The following PUDP variants were observed in gnomAD, a reference collection of about 807,000 sequenced individuals.
PUDP encodes pseudouridine 5'-phosphatase, also known as pseudouridine-5'-phosphatase.
PUDP carries 8 observed loss-of-function variants against 9.4 expected under a neutral mutation model. The observed-to-expected ratio is 0.85, with a 90% CI of 0.50 to 1.53. The LOEUF is 1.53. Ranked by LOEUF, PUDP falls within the 40% of genes most tolerant of loss-of-function variation. The probability of loss-of-function intolerance (pLI) is 0.00; values close to 1 mark genes in which losing one functional copy is unlikely to be tolerated. For synonymous variants in PUDP, 99 were observed against 80.7 expected (o/e 1.23, Z -1.22); for missense variants, 188 against 189.7 (o/e 0.99, Z 0.05).
intron 3 of PUDP, among the ~76,000 whole-genome samples, chrX:7,067,774 T>C (rs1022231328): frequency 5.4e-5 from 6 of 110,781 alleles, no homozygotes; most frequent in Non-Finnish European, 9.5e-5. Flanking sequence ...CCTACCCAAA[T>C]CTCATCTTGA....
upstream of PUDP, among the ~76,000 whole-genome samples, chrX:6,722,458 T>C (rs1226789581): frequency 9.1e-6 from 1 of 109,324 alleles, no homozygotes; most frequent in Non-Finnish European, 1.9e-5. Context: ...AAAAAAAATC[T>C]AAATTTAAAA....
chrX:6,751,143 A>G lies in PUDP; in HGVS notation c.*248-44677T>C, dbSNP rs1024934605. On this transcript the variant is annotated intron_variant and NMD_transcript_variant, in intron 3 of 3. Transcript: ENST00000655425. ...GGTGACAGAGTGAGAATCCGTCTAA[A>G]AAAAAGGAAAGAAAGAAAAAAGAAA... Among the ~76,000 whole-genome samples, 4 of 110,337 alleles carry G rather than the reference A, an allele frequency of 3.6e-5. No homozygotes were observed. In the Admixed American group the frequency reaches 3.9e-4, roughly 11 times the overall value.
intron 1 of PUDP, 67 bp from the exon 2 acceptor site, chrX:7,105,905 G>A (rs1054404593): frequency 1.5e-5 from 11 of 733,017 alleles, no homozygotes; most frequent in Admixed American, 9.5e-5. Context: ...TATCAGGTCC[G>A]CATAAACATA....
At chrX:6,815,891 C>A (rs1396806761) in intron 3 of PUDP, among the ~76,000 whole-genome samples, 1 of 108,926 alleles carries the variant, frequency 9.2e-6, no homozygotes, top group Non-Finnish European at 1.9e-5. Context: ...ATCAACAGAG[C>A]AAATCTAAAC....
chrX:6,913,763 C>A (rs1364717661), intron 3 of PUDP, among the ~76,000 whole-genome samples: 1 of 111,538 alleles, frequency 9.0e-6, no homozygotes, highest in Non-Finnish European at 1.9e-5. Flanking sequence ...AAGCAATGGG[C>A]ACCCCTTCTT....
rs1041825575 is a variant in PUDP, at chrX:7,049,507, A to G, written c.*789T>C. 5.3e-5 allele frequency: 6 copies of G among 112,653 alleles called. No individual in the cohort carries two copies. Among genetic ancestry groups the G allele is most frequent in the African/African-American group, 1.6e-4 (5 of 30,901 alleles). 9.3% of individuals were successfully genotyped at this position (112,653 alleles called of 1,213,427 possible). A position where few individuals can be genotyped will look rare whatever the true frequency, so the allele number is the denominator to read the frequency against. Reference sequence around the variant, plus strand: ...CAATGCAGGTAAGGATGTAGATACCAGGTAAATGTTACAGTTGTGTTCATA... The same window carrying G: ...CAATGCAGGTAAGGATGTAGATACCGGGTAAATGTTACAGTTGTGTTCATA... On this transcript the variant is annotated 3_prime_UTR_variant, in exon 4 of 4. Transcript: ENST00000381077.
intron 3 of PUDP, among the ~76,000 whole-genome samples, chrX:6,873,753 A>G (rs1569114729): frequency 8.9e-6 from 1 of 112,074 alleles, no homozygotes; most frequent in East Asian, 2.8e-4. Flanking sequence ...AATCAGATGG[A>G]TGGAGCAACC....
At chrX:6,996,128 A>G (rs1028020083) in intron 1 of PUDP, among the ~76,000 whole-genome samples, 1 of 111,555 alleles carries the variant, frequency 9.0e-6, no homozygotes, top group Non-Finnish European at 1.9e-5. Flanking sequence ...TTGGGATATA[A>G]AACATTTTCC....
intron 2 of PUDP, among the ~76,000 whole-genome samples, chrX:7,090,826 C>T (rs1931401004): frequency 9.0e-6 from 1 of 111,490 alleles, no homozygotes; most frequent in South Asian, 3.8e-4. Context: ...CCGACTTCAC[C>T]CCAACCAGGC....
intron 1 of PUDP, among the ~76,000 whole-genome samples, chrX:7,001,687 A>G (rs1236885332): frequency 9.0e-6 from 1 of 111,516 alleles, no homozygotes; most frequent in Non-Finnish European, 1.9e-5. Context: ...ATTTTCATGT[A>G]TAACGGAAAG....
intron 1 of PUDP, among the ~76,000 whole-genome samples, chrX:6,979,780 C>T (rs1929006404): frequency 9.1e-6 from 1 of 110,197 alleles, no homozygotes; most frequent in African/African-American, 3.3e-5. Flanking sequence ...AATTTTAAAG[C>T]TTGAAAATAT....
chrX:6,731,868 T>A (rs1924813606), intron 3 of PUDP, among the ~76,000 whole-genome samples: 1 of 111,103 alleles, frequency 9.0e-6, no homozygotes, highest in South Asian at 3.9e-4. Flanking sequence ...CCTGTACATT[T>A]CAGTGTGATG....
intron 1 of PUDP, among the ~76,000 whole-genome samples, chrX:7,146,760 T>A (rs1932868333): frequency 9.1e-6 from 1 of 110,035 alleles, no homozygotes; most frequent in African/African-American, 3.3e-5. Context: ...ACTGGATCAA[T>A]CCAGAATCGT....
intron 3 of PUDP, among the ~76,000 whole-genome samples, chrX:6,951,631 G>A (rs893872309): frequency 9.0e-6 from 1 of 111,725 alleles, no homozygotes; most frequent in Admixed American, 9.6e-5. Flanking sequence ...CCCCAGCTCA[G>A]CCAGGCATAA....
intron 3 of PUDP, among the ~76,000 whole-genome samples, chrX:6,816,875 G>C (rs1926249869): frequency 1.1e-5 from 1 of 89,949 alleles, no homozygotes; most frequent in South Asian, 4.8e-4. Flanking sequence ...ATACTATATA[G>C]TATATACAAT....
chrX:6,797,302 A>G (rs1445097898), intron 3 of PUDP, among the ~76,000 whole-genome samples: 3 of 111,595 alleles, frequency 2.7e-5, no homozygotes, highest in Non-Finnish European at 5.6e-5. Context: ...TGCCTCTAAA[A>G]TGCCCCCCAA....
At chrX:7,078,916 A>C (rs1930999028) in intron 2 of PUDP, among the ~76,000 whole-genome samples, 1 of 112,077 alleles carries the variant, frequency 8.9e-6, no homozygotes, top group Non-Finnish European at 1.9e-5. Flanking sequence ...AAAGAAGCAA[A>C]TACCACCCAC....
In PUDP at chrX:7,129,094, G is replaced by C. The variant is rs189576891; in HGVS notation, c.61+18959C>G. ...AAAGGACCGAGTACCCTTAGCCTTC[G>C]GGCAACCATTGCTTTGAACATAATT... On this transcript the variant is annotated intron_variant, in intron 1 of 3. Transcript: ENST00000381077. Among the ~76,000 whole-genome samples the C allele has an allele frequency of 4.8e-3, 531 of 111,580 alleles. 1 individual carries two copies. The highest frequency in any genetic ancestry group is 7.3e-3 in the Non-Finnish European group (389 of 53,164).
chrX:6,942,121 A>C (rs1038733222), intron 3 of PUDP, among the ~76,000 whole-genome samples: 1 of 111,646 alleles, frequency 9.0e-6, no homozygotes. Context: ...CTATTCTGGC[A>C]ATAGATACAC....
Sources: gnomAD v4.1 joint callset for allele counts (sites outside exome capture counted in the v4.1 genomes callset) on GRCh38, gnomAD v4.1.1 for gene constraint, MANE v1.5 for transcripts, NCBI Gene and HGNC (gene_info 2026-07-23, HGNC 2026-07-21) for gene names.